Variants in TMEM132B observed in about 807,000 individuals in gnomAD.
The protein encoded by TMEM132B is transmembrane protein 132B.
In TMEM132B, 18 loss-of-function variants were observed where a neutral mutation model predicts 90.8. The observed-to-expected ratio is 0.20, with a 90% CI of 0.14 to 0.29. The LOEUF (loss-of-function observed/expected upper bound fraction) is 0.29, where lower values mean the gene tolerates loss of function less well. Ranked by LOEUF, TMEM132B falls within the 10% of genes least tolerant of loss-of-function variation. The pLI, the probability that TMEM132B is intolerant of heterozygous loss-of-function variation, is 1.00. For synonymous variants in TMEM132B, 504 were observed against 523.3 expected (o/e 0.96, Z 0.50); for missense variants, 1,096 against 1,326.8 (o/e 0.83, Z 2.70).
At chr12:125,417,813 G>A (rs1208372849) in intron 3 of TMEM132B, among the ~76,000 whole-genome samples, 1 of 152,186 alleles carries the variant, frequency 6.6e-6, no homozygotes, top group African/African-American at 2.4e-5. Flanking sequence ...GATAGGCCAG[G>A]CACACGTCCC....
intron 4 of TMEM132B, among the ~76,000 whole-genome samples, chr12:125,540,975 C>T (rs1432122690): frequency 6.6e-6 from 1 of 152,194 alleles, no homozygotes; most frequent in African/African-American, 2.4e-5. Flanking sequence ...CTCAGATGTG[C>T]CATACATGGT....
At chr12:125,327,022 C>T (rs141381371) in intron 1 of TMEM132B, among the ~76,000 whole-genome samples, 3 of 152,194 alleles carry the variant, frequency 2.0e-5, no homozygotes, top group African/African-American at 4.8e-5. Flanking sequence ...GCCCCCTGAG[C>T]CTTCTCTGCA....
At chr12:125,431,902 C>T (rs1003499726) in intron 3 of TMEM132B, among the ~76,000 whole-genome samples, 1 of 152,146 alleles carries the variant, frequency 6.6e-6, no homozygotes, top group Admixed American at 6.5e-5. Flanking sequence ...CTCTTGAGAC[C>T]TGGATTCTGC....
intron 2 of TMEM132B, among the ~76,000 whole-genome samples, chr12:125,378,750 A>G (rs1198532953): frequency 6.6e-6 from 1 of 152,164 alleles, no homozygotes; most frequent in Non-Finnish European, 1.5e-5. Flanking sequence ...TTAAGTGGAC[A>G]TTTCTGTCCC....
At chr12:125,249,172 G>A (rs1322855027) in intron 1 of TMEM132B, among the ~76,000 whole-genome samples, 1 of 152,178 alleles carries the variant, frequency 6.6e-6, no homozygotes, top group African/African-American at 2.4e-5. Context: ...TGACAGCTCA[G>A]AGGCTTAAAT....
At chr12:125,411,545 C>T (rs1481985055) in intron 2 of TMEM132B, among the ~76,000 whole-genome samples, 2 of 152,062 alleles carry the variant, frequency 1.3e-5, no homozygotes, top group African/African-American at 4.8e-5. Flanking sequence ...AAAATAAAAA[C>T]CGGAGATGCC....
intron 1 of TMEM132B, among the ~76,000 whole-genome samples, chr12:125,335,407 T>C (rs569461242): frequency 3.6e-4 from 55 of 152,278 alleles, no homozygotes; most frequent in African/African-American, 1.3e-3. Context: ...ACCTCCAGGC[T>C]CCTGGGGAGG....
At chr12:125,270,684 G>A (rs183487763) in intron 1 of TMEM132B, among the ~76,000 whole-genome samples, 4 of 150,558 alleles carry the variant, frequency 2.7e-5, no homozygotes, top group East Asian at 3.9e-4. Context: ...TATTTACTCC[G>A]TCTGCCAAAC....
intron 3 of TMEM132B, among the ~76,000 whole-genome samples, chr12:125,450,905 G>A (rs1881131769): frequency 6.6e-6 from 1 of 152,106 alleles, no homozygotes; most frequent in South Asian, 2.1e-4. Flanking sequence ...AGCAATGTGT[G>A]ATTTAACTGG....
chr12:125,595,629 A>G (rs567058705), intron 5 of TMEM132B, among the ~76,000 whole-genome samples: 1 of 152,292 alleles, frequency 6.6e-6, no homozygotes, highest in South Asian at 2.1e-4. Flanking sequence ...ACTCAAAATA[A>G]TCCTGTGAGG....
chr12:125,555,580 G>A (rs1458697457), intron 4 of TMEM132B, among the ~76,000 whole-genome samples: 30 of 106,388 alleles, frequency 2.8e-4, no homozygotes, highest in Non-Finnish European at 4.1e-4. Context: ...GGGGGGTGGG[G>A]GGAGGGATAG....
chr12:125,317,436 C>T (rs1236838843), intron 1 of TMEM132B, among the ~76,000 whole-genome samples: 2 of 152,140 alleles, frequency 1.3e-5, no homozygotes, highest in African/African-American at 2.4e-5. Context: ...TGCTCTCACC[C>T]GACGGGCAGA....
intron 4 of TMEM132B, among the ~76,000 whole-genome samples, chr12:125,533,526 C>G (rs2136702544): frequency 6.6e-6 from 1 of 152,366 alleles, no homozygotes; most frequent in East Asian, 1.9e-4. Context: ...GCAAGTCTTT[C>G]TCTAAATGGC....
chr12:125,500,284 A>G (rs1367646016), intron 3 of TMEM132B, among the ~76,000 whole-genome samples: 4 of 152,206 alleles, frequency 2.6e-5, no homozygotes, highest in African/African-American at 9.6e-5. Flanking sequence ...TTTTGACACA[A>G]TTGGCATTTC....
rs1010226983 is a variant in TMEM132B, at chr12:125,209,312, C to T, written c.67+22446C>T. Among the ~76,000 whole-genome samples the T allele has an allele frequency of 1.1e-4, 17 of 152,200 alleles. No individual in the cohort carries two copies. The highest frequency in any genetic ancestry group is 3.6e-4 in the African/African-American group (15 of 41,454). ...CATCTCTAAGTGGGGCAGAGGCTCG[C>T]GGATGGACCGCCCCAGGGGATGGTG... On this transcript the variant is annotated intron_variant, in intron 1 of 8. Transcript: ENST00000682704. The surrounding 1 kb of genome is among the most constrained non-coding windows in gnomAD (Gnocchi z 4.4).
At position 125,498,251 on chromosome 12, in the gene TMEM132B, T is replaced by C. The variant is rs964979232; in HGVS notation, c.1107-21188T>C. 2.0e-5 allele frequency among the ~76,000 whole-genome samples: 3 copies of C among 152,210 alleles called. No individual in the cohort carries two copies. Among genetic ancestry groups the C allele is most frequent in the African/African-American group, 7.2e-5 (3 of 41,438 alleles). On this transcript the variant is annotated intron_variant, in intron 3 of 8. Transcript: ENST00000682704. This position sits in a 1 kb window ranked among gnomAD's most constrained non-coding sequence, Gnocchi z 4.5. Reference sequence around the variant, plus strand: ...TAATGAGAAGAACAGTAAAGGATGATTTAATTTACATGGGAATGCTGAGTT... The same window carrying C: ...TAATGAGAAGAACAGTAAAGGATGACTTAATTTACATGGGAATGCTGAGTT...
intron 3 of TMEM132B, among the ~76,000 whole-genome samples, chr12:125,441,412 G>A (rs958633424): frequency 6.6e-6 from 1 of 152,154 alleles, no homozygotes. Flanking sequence ...ATAAACCTTA[G>A]TACCTCCGTG....
intron 1 of TMEM132B, among the ~76,000 whole-genome samples, chr12:125,342,945 T>C (rs1171707221): frequency 1.3e-5 from 2 of 152,218 alleles, no homozygotes; most frequent in African/African-American, 2.4e-5. Context: ...TTTATACTGG[T>C]GGCCTTGGAA....
intron 5 of TMEM132B, among the ~76,000 whole-genome samples, chr12:125,610,681 GTTTTATTATATAAACCAATGA>G (rs1885803949): frequency 6.7e-6 from 1 of 148,492 alleles, no homozygotes; most frequent in Admixed American, 6.7e-5. Flanking sequence ...ACCATTGTTG[GTTTTATTATATAAACCAATGA>G]CAATGCAATG....
Sources: allele counts gnomAD v4.1 joint callset (sites outside exome capture counted in the v4.1 genomes callset), GRCh38; gene constraint gnomAD v4.1.1; non-coding constraint Gnocchi (gnomAD v3.1); transcripts MANE v1.5; gene names NCBI Gene and HGNC (gene_info 2026-07-23, HGNC 2026-07-21).